SHISA9: variants seen among roughly 807,000 people sequenced by gnomAD.
The protein encoded by SHISA9 is protein shisa-9.
A neutral mutation model predicts 38.0 loss-of-function variants in SHISA9; 13 were observed. That is an observed-to-expected ratio of 0.34 (90% CI 0.22 to 0.54). The LOEUF (loss-of-function observed/expected upper bound fraction) is 0.54. Among genes scored for constraint, SHISA9 ranks in the 20% least tolerant of loss-of-function variants. The probability of loss-of-function intolerance (pLI) is 0.91; values close to 1 mark genes in which losing one functional copy is unlikely to be tolerated. For missense variants in SHISA9, 538 were observed against 575.8 expected (o/e 0.93, Z 0.67); for synonymous variants, 275 against 242.0 (o/e 1.14, Z -1.27).
the SHISA9 span, among the ~76,000 whole-genome samples, chr16:13,370,975 T>C: frequency 6.6e-6 from 1 of 152,188 alleles, no homozygotes; most frequent in Non-Finnish European, 1.5e-5. Flanking sequence ...GGCACCCAAA[T>C]AAATTTGAAT....
the SHISA9 span, among the ~76,000 whole-genome samples, chr16:13,421,904 A>G: frequency 2.0e-5 from 3 of 152,190 alleles, no homozygotes; most frequent in Non-Finnish European, 4.4e-5. Context: ...GATCAGCAGG[A>G]TGTGGAGGAG....
At chr16:13,451,333 C>T in the SHISA9 span, among the ~76,000 whole-genome samples, 3 of 152,190 alleles carry the variant, frequency 2.0e-5, no homozygotes, top group Non-Finnish European at 4.4e-5. Context: ...CCTGACTCAG[C>T]GTCTGCTTTG....
Position 13,093,090 on chromosome 16 carries a change from T to TC in SHISA9, c.692-110301dup, listed in dbSNP as rs550578671. Among the ~76,000 whole-genome samples the TC allele has an allele frequency of 5.7e-3, 869 of 152,324 alleles. 3 individuals are homozygous for TC. Among genetic ancestry groups the TC allele is most frequent in the Middle Eastern group, 0.014 (4 of 294 alleles). On this transcript the variant is annotated intron_variant, in intron 2 of 4. Transcript: ENST00000558583. ...TGGAAAGGAATATAGCTTTGAAGTT[T>TC]CCCGGGGGCATAGAGTCCTGGGTTC...
At chr16:13,379,628 C>T in the SHISA9 span, among the ~76,000 whole-genome samples, 1 of 152,220 alleles carries the variant, frequency 6.6e-6, no homozygotes, top group Non-Finnish European at 1.5e-5. Flanking sequence ...TCCCTGTTTC[C>T]AGTCCCTGTG....
intron 2 of SHISA9, among the ~76,000 whole-genome samples, chr16:13,151,247 C>T (rs537430634): frequency 3.9e-5 from 6 of 152,282 alleles, no homozygotes; most frequent in Admixed American, 1.3e-4. Flanking sequence ...GCTGGGATTT[C>T]AGGCGCCCGC....
chr16:13,008,799 C>A (rs1286710721), intron 2 of SHISA9, among the ~76,000 whole-genome samples: 1 of 151,936 alleles, frequency 6.6e-6, no homozygotes, highest in African/African-American at 2.4e-5. Flanking sequence ...GTCAATTAAA[C>A]CTTTTTTCTT....
At chr16:12,961,058 G>A (rs913776700) in intron 2 of SHISA9, among the ~76,000 whole-genome samples, 6 of 152,142 alleles carry the variant, frequency 3.9e-5, no homozygotes, top group Non-Finnish European at 8.8e-5. Flanking sequence ...TGTGGAATGA[G>A]GGAATTTGGT....
the SHISA9 span, among the ~76,000 whole-genome samples, chr16:13,428,458 C>A: frequency 2.6e-5 from 4 of 152,170 alleles, no homozygotes; most frequent in Non-Finnish European, 5.9e-5. Flanking sequence ...GTTTTATAGA[C>A]ACAAACTCTA....
chr16:13,438,078 C>G, the SHISA9 span, among the ~76,000 whole-genome samples: 40,692 of 151,882 alleles, frequency 0.27, 6,578 homozygotes, highest in South Asian at 0.5. Context: ...GCTGGCCAGG[C>G]TGGTCTCGAA....
At chr16:13,424,464 G>A in the SHISA9 span, among the ~76,000 whole-genome samples, 21 of 152,296 alleles carry the variant, frequency 1.4e-4, no homozygotes, top group African/African-American at 4.6e-4. Flanking sequence ...CTAGCAGAAG[G>A]TCAATGCCTG....
chr16:13,044,733 C>T (rs753719613), intron 2 of SHISA9, among the ~76,000 whole-genome samples: 13 of 152,250 alleles, frequency 8.5e-5, no homozygotes, highest in African/African-American at 2.4e-4. Context: ...GGGGATTAAA[C>T]GGACGGCTGC....
chr16:13,550,187 G>A, the SHISA9 span, among the ~76,000 whole-genome samples: 6 of 152,164 alleles, frequency 3.9e-5, no homozygotes, highest in Admixed American at 3.3e-4. Context: ...CAGTGTGGCT[G>A]GACTAGATGG....
At chr16:13,550,361 G>A in the SHISA9 span, among the ~76,000 whole-genome samples, 8 of 152,138 alleles carry the variant, frequency 5.3e-5, no homozygotes, top group Non-Finnish European at 8.8e-5. Flanking sequence ...TAAGTGCCTC[G>A]CCACCTCAAA....
At chr16:13,246,222 G>A in the SHISA9 span, 1 of 152,068 alleles carries the variant, frequency 6.6e-6, no homozygotes, top group Non-Finnish European at 1.5e-5. Flanking sequence ...TCATGGGGGT[G>A]GTTTTCCCCA....
chr16:13,268,344 T>C, the SHISA9 span, among the ~76,000 whole-genome samples: 4 of 152,132 alleles, frequency 2.6e-5, no homozygotes, highest in African/African-American at 9.7e-5. Context: ...ACCCTGACTT[T>C]CCAAAATATA....
chr16:13,440,057 G>A, the SHISA9 span, among the ~76,000 whole-genome samples: 1 of 152,168 alleles, frequency 6.6e-6, no homozygotes, highest in African/African-American at 2.4e-5. Flanking sequence ...TCCTATACTC[G>A]TTGGTAAGTT....
At chr16:13,317,995 C>G in the SHISA9 span, among the ~76,000 whole-genome samples, 6 of 85,382 alleles carry the variant, frequency 7.0e-5, no homozygotes, top group African/African-American at 4.1e-4. Flanking sequence ...CTTCAAATGC[C>G]TTGTTTTTTT....
chr16:13,425,661 C>T, the SHISA9 span, among the ~76,000 whole-genome samples: 5 of 151,920 alleles, frequency 3.3e-5, no homozygotes, highest in Non-Finnish European at 7.4e-5. Context: ...CATGTAACCT[C>T]GATCTAAAAT....
the SHISA9 span, among the ~76,000 whole-genome samples, chr16:13,393,964 T>C: frequency 2.0e-5 from 3 of 152,314 alleles, no homozygotes; most frequent in East Asian, 5.8e-4. Flanking sequence ...TCACACTCTT[T>C]GCCACGGTGC....
Sources: allele counts gnomAD v4.1 joint callset (sites outside exome capture counted in the v4.1 genomes callset), GRCh38; gene constraint gnomAD v4.1.1; transcripts MANE v1.5; gene names NCBI Gene and HGNC (gene_info 2026-07-23, HGNC 2026-07-21).